The following CPNE4 variants were observed in gnomAD, a reference collection of about 807,000 sequenced individuals.
CPNE4 encodes the protein copine 4.
CPNE4 carries 25 observed loss-of-function variants against 67.9 expected under a neutral mutation model. That is an observed-to-expected ratio of 0.37 (90% CI 0.27 to 0.51). The LOEUF is 0.51. Ranked by LOEUF, CPNE4 falls within the 20% of genes least tolerant of loss-of-function variation. The pLI is 0.93. For missense variants in CPNE4, 464 were observed against 690.8 expected (o/e 0.67, Z 3.68); for synonymous variants, 242 against 244.9 (o/e 0.99, Z 0.11).
At chr3:131,996,141 C>T (rs541142989) in intron 1 of CPNE4, among the ~76,000 whole-genome samples, 1 of 152,282 alleles carries the variant, frequency 6.6e-6, no homozygotes, top group South Asian at 2.1e-4. Flanking sequence ...TTGCACAGGA[C>T]ACGATAAAAT....
chr3:131,753,818 T>G (rs912547997), intron 2 of CPNE4, among the ~76,000 whole-genome samples: 2 of 152,142 alleles, frequency 1.3e-5, no homozygotes, highest in Non-Finnish European at 2.9e-5. Flanking sequence ...CATACATTAA[T>G]GGTGGGAATG....
chr3:131,957,365 T>C (rs939063370), intron 1 of CPNE4, among the ~76,000 whole-genome samples: 14 of 152,358 alleles, frequency 9.2e-5, no homozygotes, highest in Non-Finnish European at 1.6e-4. Context: ...GCATGGTTTG[T>C]GTTCCATTCA....
At chr3:131,714,008 A>T (rs982057988) in intron 3 of CPNE4, among the ~76,000 whole-genome samples, 1 of 152,140 alleles carries the variant, frequency 6.6e-6, no homozygotes, top group Non-Finnish European at 1.5e-5. Context: ...GCTTGCAGTA[A>T]TTCTGCAAAG....
At chr3:131,550,222 A>G (rs1936096214) in intron 13 of CPNE4, 142 bp from the exon 14 acceptor site, 1 of 820,278 alleles carries the variant, frequency 1.2e-6, no homozygotes, top group Admixed American at 2.8e-5. Context: ...AAAAAGGAAT[A>G]CCACATTGCT....
intron 2 of CPNE4, among the ~76,000 whole-genome samples, chr3:131,841,265 G>C (rs1369261829): frequency 1.3e-5 from 2 of 152,178 alleles, no homozygotes; most frequent in Non-Finnish European, 2.9e-5. Flanking sequence ...GAGGCAAATA[G>C]ATTTCTAAAT....
intron 2 of CPNE4, among the ~76,000 whole-genome samples, chr3:131,745,197 C>G (rs59917553): frequency 0.054 from 8,222 of 152,170 alleles, 732 homozygotes; most frequent in African/African-American, 0.19. Context: ...ATGTCAAACA[C>G]CTTTTCATGT....
chr3:131,880,983 A>G (rs1234636877), intron 2 of CPNE4, among the ~76,000 whole-genome samples: 3 of 152,232 alleles, frequency 2.0e-5, no homozygotes, highest in African/African-American at 7.2e-5. Context: ...GAGCTGACTT[A>G]GTGCTATCAG....
intron 7 of CPNE4, among the ~76,000 whole-genome samples, chr3:131,653,686 T>C (rs368896801): frequency 6.8e-4 from 103 of 152,278 alleles, no homozygotes; most frequent in African/African-American, 2.5e-3. Context: ...CTAGGTCTCC[T>C]CCCCAACACG....
At chr3:131,660,156 C>T (rs528295309) in intron 7 of CPNE4, among the ~76,000 whole-genome samples, 2 of 152,312 alleles carry the variant, frequency 1.3e-5, no homozygotes, top group East Asian at 1.9e-4. Flanking sequence ...TATATGGTTT[C>T]TTGGAAACAA....
intron 2 of CPNE4, among the ~76,000 whole-genome samples, chr3:131,827,769 A>C (rs1583280262): frequency 6.6e-6 from 1 of 152,194 alleles, no homozygotes; most frequent in East Asian, 1.9e-4. Flanking sequence ...AAAACTAATA[A>C]GAAAAAAATG....
intron 1 of CPNE4, among the ~76,000 whole-genome samples, chr3:131,914,591 A>C (rs746752098): frequency 3.3e-5 from 5 of 151,984 alleles, no homozygotes; most frequent in Non-Finnish European, 5.9e-5. Flanking sequence ...ACAAACACTG[A>C]CTTCCCAAGA....
At chr3:131,941,704 GA>G (rs2071394020) in intron 1 of CPNE4, among the ~76,000 whole-genome samples, 4 of 152,086 alleles carry the variant, frequency 2.6e-5, no homozygotes, top group Admixed American at 2.6e-4. Context: ...TAAAAACTGA[GA>G]TTAAGCCAAC....
intron 7 of CPNE4, among the ~76,000 whole-genome samples, chr3:131,650,589 C>CA (rs1393304605): frequency 1.3e-5 from 2 of 148,336 alleles, no homozygotes; most frequent in East Asian, 3.9e-4. Flanking sequence ...ACTAAAAATA[C>CA]AAAAAATTAG....
rs766558613 is a variant in CPNE4 at position 131,552,500 on chromosome 3, C to A, written c.1117-9G>T. On this transcript the variant is annotated splice_polypyrimidine_tract_variant and intron_variant, in intron 12 of 15. Transcript: ENST00000429747. ...GCAAAGTCATGAGAGACCTAGACAC[C>A]GATTAAAATTTAAAAAACAGGAAGA... The A allele has an allele frequency of 1.2e-6, 2 of 1,609,072 alleles. No homozygotes were observed. Among genetic ancestry groups the A allele is most frequent in the East Asian group, 4.5e-5 (2 of 44,760 alleles).
chr3:131,580,435 CATATA>C (rs1937741035), intron 9 of CPNE4, among the ~76,000 whole-genome samples: 1 of 130,886 alleles, frequency 7.6e-6, no homozygotes, highest in Admixed American at 7.4e-5. Context: ...TATACATATA[CATATA>C]CATATACATA....
At chr3:131,738,210 A>C (rs755945553) in intron 2 of CPNE4, among the ~76,000 whole-genome samples, 25 of 152,268 alleles carry the variant, frequency 1.6e-4, no homozygotes, top group Non-Finnish European at 2.9e-4. Flanking sequence ...TCAAAGAAAG[A>C]CAGAAAATAA....
At chr3:131,768,992 C>T (rs1252526534) in intron 2 of CPNE4, among the ~76,000 whole-genome samples, 1 of 152,170 alleles carries the variant, frequency 6.6e-6, no homozygotes, top group Non-Finnish European at 1.5e-5. Flanking sequence ...TAATCCACAT[C>T]TGGCACGAGG....
At chr3:131,609,067 G>A (rs1939669784) in intron 7 of CPNE4, among the ~76,000 whole-genome samples, 3 of 152,074 alleles carry the variant, frequency 2.0e-5, no homozygotes, top group African/African-American at 4.8e-5. Flanking sequence ...GATCTAGCTT[G>A]TTATAAACTT....
Position 131,657,755 on chromosome 3 carries a change from G to A in CPNE4, c.681+11920C>T, listed in dbSNP as rs184145925. Among the ~76,000 whole-genome samples, 232 of 149,766 alleles carry A rather than the reference G, an allele frequency of 1.5e-3. 1 individual carries two copies. The highest frequency in any genetic ancestry group is 3.0e-3 in the Admixed American group (44 of 14,834). ...GTGTGTGTGTGTGTTTAGTAGAAAC[G>A]GGGTTTCGCCATGTTGGCTAGGATT... On this transcript the variant is annotated intron_variant, in intron 7 of 15. Coordinates refer to ENST00000429747, the MANE Select transcript of CPNE4 (RefSeq NM_130808.3).
Sources: gnomAD v4.1 joint callset for allele counts (sites outside exome capture counted in the v4.1 genomes callset) on GRCh38, gnomAD v4.1.1 for gene constraint, MANE v1.5 for transcripts, NCBI Gene and HGNC (gene_info 2026-07-23, HGNC 2026-07-21) for gene names.